CHRNA7: variants seen among roughly 807,000 people sequenced by gnomAD.
CHRNA7 encodes the protein neuronal acetylcholine receptor subunit alpha-7.
CHRNA7 carries 17 observed loss-of-function variants against 48.0 expected under a neutral mutation model. The observed-to-expected ratio is 0.35, with a 90% CI of 0.24 to 0.53. CHRNA7 has a LOEUF of 0.53. CHRNA7 is among the 20% of genes least tolerant of loss of function. The pLI, the probability that CHRNA7 is intolerant of heterozygous loss-of-function variation, is 0.92. For missense variants in CHRNA7, 155 were observed against 577.7 expected (o/e 0.27, Z 7.50); for synonymous variants, 75 against 242.3 (o/e 0.31, Z 6.41).
At chr15:32,053,647 C>G (rs1247045435) in intron 2 of CHRNA7, among the ~76,000 whole-genome samples, 2 of 152,208 alleles carry the variant, frequency 1.3e-5, no homozygotes, top group Non-Finnish European at 2.9e-5. Flanking sequence ...GTATCATGTA[C>G]TATGCTAATT....
intron 2 of CHRNA7, chr15:32,100,594 A>T (rs543933301): frequency 6.5e-6 from 1 of 154,618 alleles, no homozygotes; most frequent in East Asian, 1.9e-4. Flanking sequence ...GAACTCAGGG[A>T]GGTGTTTTGG....
At chr15:32,099,487 C>A (rs893412095) in intron 2 of CHRNA7, 5 of 152,180 alleles carry the variant, frequency 3.3e-5, no homozygotes, top group Non-Finnish European at 7.3e-5. Flanking sequence ...ATTCAGTGTT[C>A]TCTAATGGGG....
At chr15:32,116,298 T>G (rs1272631124) in intron 4 of CHRNA7, among the ~76,000 whole-genome samples, 1 of 152,216 alleles carries the variant, frequency 6.6e-6, no homozygotes, top group African/African-American at 2.4e-5. Context: ...TTTTGAGATA[T>G]AATGCATTTT....
intron 3 of CHRNA7, among the ~76,000 whole-genome samples, chr15:32,108,967 G>A (rs764426048): frequency 6.6e-6 from 1 of 152,134 alleles, no homozygotes; most frequent in Non-Finnish European, 1.5e-5. Flanking sequence ...GATGCTTTTG[G>A]CAGCTCCCCC....
At chr15:32,120,192 G>C (rs902238690) in intron 4 of CHRNA7, among the ~76,000 whole-genome samples, 2 of 152,110 alleles carry the variant, frequency 1.3e-5, no homozygotes, top group Non-Finnish European at 2.9e-5. Flanking sequence ...CACTCAGCTG[G>C]GTCTGCCTGA....
At position 32,102,630 on chromosome 15, in the gene CHRNA7, AT is replaced by A. The variant is rs1415956904; in HGVS notation, c.240+1288del. On this transcript the variant is annotated intron_variant, in intron 3 of 9. Transcript: ENST00000306901. ...ATTTTTAAGTAATTATAAAACATAA[AT>A]TTTTATTGGCAATTTATATCTCTGC... 2.9e-4 allele frequency: 44 copies of A among 152,184 alleles called. 1 individual carries two copies. The highest frequency in any genetic ancestry group is 4.4e-5 in the Non-Finnish European group (3 of 68,028). 9.4% of individuals were successfully genotyped at this position (152,184 alleles called of 1,614,324 possible).
At chr15:32,128,076 C>G (rs906194512) in intron 4 of CHRNA7, among the ~76,000 whole-genome samples, 1 of 151,924 alleles carries the variant, frequency 6.6e-6, no homozygotes, top group African/African-American at 2.4e-5. Flanking sequence ...AGACTATATT[C>G]CTCTTCTGAA....
chr15:32,152,836 C>G (rs1320472439), intron 4 of CHRNA7, among the ~76,000 whole-genome samples: 1 of 152,092 alleles, frequency 6.6e-6, no homozygotes, highest in East Asian at 1.9e-4. Flanking sequence ...CCCCAGATGT[C>G]AACACATCAG....
intron 2 of CHRNA7, among the ~76,000 whole-genome samples, chr15:32,042,454 G>A (rs2049465910): frequency 1.3e-5 from 2 of 152,198 alleles, no homozygotes; most frequent in South Asian, 4.1e-4. Context: ...GTGGAAGGAT[G>A]AGGGAACATT....
chr15:32,050,225 A>G (rs575603907), intron 2 of CHRNA7, among the ~76,000 whole-genome samples: 6 of 152,270 alleles, frequency 3.9e-5, no homozygotes, highest in Admixed American at 3.3e-4. Context: ...CTCATGGATG[A>G]TATCCTGCAG....
At chr15:32,128,575 G>C (rs2051106945) in intron 4 of CHRNA7, among the ~76,000 whole-genome samples, 1 of 151,394 alleles carries the variant, frequency 6.6e-6, no homozygotes, top group South Asian at 2.1e-4. Flanking sequence ...TTTACTGTTA[G>C]TATAGCAATT....
At chr15:32,099,654 A>G (rs1448349202) in intron 2 of CHRNA7, 1 of 152,238 alleles carries the variant, frequency 6.6e-6, no homozygotes, top group Non-Finnish European at 1.5e-5. Context: ...TTTTAAGTCC[A>G]TTAAAAACAA....
At chr15:32,038,994 A>C (rs2049401014) in intron 2 of CHRNA7, among the ~76,000 whole-genome samples, 1 of 152,108 alleles carries the variant, frequency 6.6e-6, no homozygotes, top group African/African-American at 2.4e-5. Context: ...AGTTTTGAGA[A>C]ATTTTGTCTT....
intron 4 of CHRNA7, among the ~76,000 whole-genome samples, chr15:32,145,925 C>T (rs923097925): frequency 6.6e-6 from 1 of 152,210 alleles, no homozygotes; most frequent in Admixed American, 6.5e-5. Flanking sequence ...CCGTGGGTTG[C>T]ACCCACTGTC....
chr15:32,080,619 C>T (rs552694182), intron 2 of CHRNA7, among the ~76,000 whole-genome samples: 6 of 151,978 alleles, frequency 3.9e-5, no homozygotes, highest in East Asian at 3.9e-4. Context: ...GTCAGAATGG[C>T]GATTATTAAA....
At chr15:32,146,099 A>T (rs928331513) in intron 4 of CHRNA7, among the ~76,000 whole-genome samples, 2 of 152,270 alleles carry the variant, frequency 1.3e-5, no homozygotes, top group Non-Finnish European at 2.9e-5. Flanking sequence ...AACAAAGTCT[A>T]GCAATAAGTT....
chr15:32,059,098 G>C (rs545037531), intron 2 of CHRNA7, among the ~76,000 whole-genome samples: 1 of 151,970 alleles, frequency 6.6e-6, no homozygotes, highest in Non-Finnish European at 1.5e-5. Context: ...CCGCCTCCTG[G>C]GTTCAAGCAA....
intron 2 of CHRNA7, among the ~76,000 whole-genome samples, chr15:32,036,563 GCCC>G (rs1902098525): frequency 6.6e-6 from 1 of 152,164 alleles, no homozygotes; most frequent in Non-Finnish European, 1.5e-5. Context: ...ATGAATGAGA[GCCC>G]CTGTTGCCCT....
chr15:32,049,727 G>A (rs1275081417), intron 2 of CHRNA7, among the ~76,000 whole-genome samples: 1 of 152,184 alleles, frequency 6.6e-6, no homozygotes, highest in Admixed American at 6.5e-5. Flanking sequence ...AGTTGATGCA[G>A]TTTCTTCCTA....
Sources: gnomAD v4.1 joint callset for allele counts (sites outside exome capture counted in the v4.1 genomes callset) on GRCh38, gnomAD v4.1.1 for gene constraint, MANE v1.5 for transcripts, NCBI Gene and HGNC (gene_info 2026-07-23, HGNC 2026-07-21) for gene names.